The following RAD51B variants were observed in gnomAD, a reference collection of about 807,000 sequenced individuals.
The protein encoded by RAD51B is DNA repair protein RAD51 homolog 2.
RAD51B carries 38 observed loss-of-function variants against 42.2 expected under a neutral mutation model. The ratio of observed to expected loss-of-function variants is 0.90; its 90% confidence interval spans 0.70 to 1.18. RAD51B has a LOEUF of 1.18. RAD51B is among the 50% of genes most tolerant of loss of function. The pLI is 0.00. For missense variants in RAD51B, 373 were observed against 400.7 expected (o/e 0.93, Z 0.59); for synonymous variants, 154 against 145.2 (o/e 1.06, Z -0.43).
intron 9 of RAD51B, among the ~76,000 whole-genome samples, chr14:68,430,337 G>A (rs913918069): frequency 3.3e-5 from 5 of 152,148 alleles, no homozygotes; most frequent in African/African-American, 9.7e-5. Flanking sequence ...ATTACCTTGG[G>A]CAGTATGGCC....
intron 8 of RAD51B, among the ~76,000 whole-genome samples, chr14:68,411,142 C>T (rs1199346482): frequency 6.6e-6 from 1 of 152,200 alleles, no homozygotes; most frequent in Non-Finnish European, 1.5e-5. Flanking sequence ...GTAGCAATGG[C>T]TCTGAGCTAT....
chr14:67,849,425 G>A (rs936402138), intron 4 of RAD51B, among the ~76,000 whole-genome samples: 7 of 152,134 alleles, frequency 4.6e-5, no homozygotes, highest in African/African-American at 7.2e-5. Context: ...GGGATTACAG[G>A]CATGCGCCAC....
At chr14:68,500,897 TAAG>T (rs1017293953) in intron 10 of RAD51B, among the ~76,000 whole-genome samples, 7 of 152,202 alleles carry the variant, frequency 4.6e-5, no homozygotes, top group Non-Finnish European at 7.3e-5. Context: ...CACTGGCTGT[TAAG>T]AAGAGCTCTG....
At chr14:68,440,600 G>A (rs2085262109) in intron 9 of RAD51B, among the ~76,000 whole-genome samples, 1 of 152,132 alleles carries the variant, frequency 6.6e-6, no homozygotes, top group African/African-American at 2.4e-5. Context: ...ACAAAAATTA[G>A]TTGGGCATGG....
chr14:68,299,549 A>T (rs1221728581), intron 8 of RAD51B, among the ~76,000 whole-genome samples: 2 of 152,208 alleles, frequency 1.3e-5, no homozygotes, highest in Admixed American at 1.3e-4. Context: ...GCCATTTTAT[A>T]TAAAGGACTT....
chr14:68,454,918 A>G (rs529100934), intron 9 of RAD51B, among the ~76,000 whole-genome samples: 1 of 152,376 alleles, frequency 6.6e-6, no homozygotes, highest in South Asian at 2.1e-4. Context: ...AGAGGGCCAC[A>G]TAGATATCCA....
chr14:68,242,223 C>G (rs1424164887), intron 7 of RAD51B, among the ~76,000 whole-genome samples: 1 of 152,210 alleles, frequency 6.6e-6, no homozygotes, highest in Admixed American at 6.5e-5. Flanking sequence ...TCAGTCCATC[C>G]TGTTTGCCCA....
At chr14:68,408,615 A>T (rs1359474062) in intron 8 of RAD51B, among the ~76,000 whole-genome samples, 1 of 152,212 alleles carries the variant, frequency 6.6e-6, no homozygotes, top group African/African-American at 2.4e-5. Context: ...TGTTTTTAAA[A>T]GTGTAAATAT....
chr14:67,822,766 T>A (rs796786901), intron 1 of RAD51B, among the ~76,000 whole-genome samples: 22 of 152,170 alleles, frequency 1.4e-4, no homozygotes, highest in African/African-American at 5.3e-4. Flanking sequence ...AAGAACATTT[T>A]AATACTGCAG....
chr14:68,598,929 A>T (rs1891109038), downstream of RAD51B, among the ~76,000 whole-genome samples: 3 of 152,234 alleles, frequency 2.0e-5, no homozygotes. Flanking sequence ...TAGTGCTGGA[A>T]GTTTGCCTCT....
intron 7 of RAD51B, among the ~76,000 whole-genome samples, chr14:68,103,719 C>A (rs968434793): frequency 5.9e-5 from 9 of 151,992 alleles, no homozygotes; most frequent in African/African-American, 2.2e-4. Context: ...CCCGCAAGGA[C>A]AAAGGAGAAG....
At chr14:68,682,162 AACTGAGACCT>A (rs1269125373) in intron 11 of RAD51B, among the ~76,000 whole-genome samples, 1 of 152,144 alleles carries the variant, frequency 6.6e-6, no homozygotes, top group African/African-American at 2.4e-5. Flanking sequence ...ACACCAAAGC[AACTGAGACCT>A]ACAGATATTA....
intron 10 of RAD51B, among the ~76,000 whole-genome samples, chr14:68,517,897 A>G (rs1886272551): frequency 6.6e-6 from 1 of 152,198 alleles, no homozygotes. Flanking sequence ...TGTTGAATAA[A>G]TAAGGTACAT....
intron 10 of RAD51B, among the ~76,000 whole-genome samples, chr14:68,610,319 C>A (rs1042662028): frequency 1.3e-5 from 2 of 152,238 alleles, no homozygotes. Context: ...CCCTCCCACT[C>A]CGGTGTTGCT....
intron 10 of RAD51B, among the ~76,000 whole-genome samples, chr14:68,644,746 C>T (rs751623901): frequency 2.0e-5 from 3 of 151,776 alleles, no homozygotes; most frequent in Non-Finnish European, 2.9e-5. Flanking sequence ...ACTGGTTTGT[C>T]GTTTGCTTTT....
At chr14:67,987,227 A>G (rs1423452709) in intron 7 of RAD51B, among the ~76,000 whole-genome samples, 2 of 152,186 alleles carry the variant, frequency 1.3e-5, no homozygotes, top group African/African-American at 4.8e-5. Flanking sequence ...ATGTACAATT[A>G]AGTTATTATT....
intron 10 of RAD51B, among the ~76,000 whole-genome samples, chr14:68,544,263 G>A (rs1357200368): frequency 2.0e-5 from 3 of 152,164 alleles, no homozygotes; most frequent in African/African-American, 4.8e-5. Context: ...GGCCGCCTAC[G>A]CATACTTGCT....
chr14:67,869,298 T>A (rs2042438287), intron 5 of RAD51B, among the ~76,000 whole-genome samples: 1 of 152,024 alleles, frequency 6.6e-6, no homozygotes, highest in East Asian at 1.9e-4. Context: ...TGCAGAAGCC[T>A]CAGGAGCCGA....
intron 10 of RAD51B, among the ~76,000 whole-genome samples, chr14:68,619,969 A>T (rs776084956): frequency 1.3e-5 from 2 of 151,984 alleles, no homozygotes; most frequent in Non-Finnish European, 2.9e-5. Context: ...CCCAAATATA[A>T]TGTACCTTTC....
Sources: allele counts gnomAD v4.1 joint callset (sites outside exome capture counted in the v4.1 genomes callset), GRCh38; gene constraint gnomAD v4.1.1; transcripts MANE v1.5; gene names NCBI Gene and HGNC (gene_info 2026-07-23, HGNC 2026-07-21).